HSPA12A: variants seen among roughly 807,000 people sequenced by gnomAD.
HSPA12A encodes the protein heat shock 70 kDa protein 12A.
Under a neutral mutation model 69.2 loss-of-function variants are expected in HSPA12A, and 28 were observed. The observed-to-expected ratio is 0.40, with a 90% CI of 0.30 to 0.55. HSPA12A has a LOEUF of 0.55. HSPA12A is among the 20% of genes least tolerant of loss of function. The pLI is 0.38. For synonymous variants in HSPA12A, 345 were observed against 370.5 expected (o/e 0.93, Z 0.79); for missense variants, 686 against 900.7 (o/e 0.76, Z 3.05).
intron 1 of HSPA12A, among the ~76,000 whole-genome samples, chr10:116,741,196 GGCACCTCCCTGATCC>G (rs1207152665): frequency 1.3e-5 from 2 of 152,196 alleles, no homozygotes; most frequent in East Asian, 3.9e-4. Flanking sequence ...CGCGTGGGGA[GGCACCTCCCTGATCC>G]GCAGGAACAA....
rs545007632 is a variant in HSPA12A at position 116,688,197 on chromosome 10, C to T, written c.663+4154G>A. Among the ~76,000 whole-genome samples, 4 of 152,308 alleles carry T rather than the reference C, an allele frequency of 2.6e-5. No individual in the cohort carries two copies. In the South Asian group the frequency reaches 8.3e-4, roughly 32 times the overall value. On this transcript the variant is annotated intron_variant, in intron 6 of 11. Coordinates refer to ENST00000369209, the MANE Select transcript of HSPA12A (RefSeq NM_025015.3). Reference sequence around the variant, plus strand: ...TCAGTTCTTCTTGCCCCAAAGCACACAGTAGGTGTTCAGGAGGTAGCTGCT... The same window carrying T: ...TCAGTTCTTCTTGCCCCAAAGCACATAGTAGGTGTTCAGGAGGTAGCTGCT...
At chr10:116,745,220 A>G (rs1554887724), upstream of HSPA12A, among the ~76,000 whole-genome samples, 1 of 152,240 alleles carries the variant, frequency 6.6e-6, no homozygotes, top group Non-Finnish European at 1.5e-5. Context: ...CGCCTGGTAC[A>G]TGGCAGGCAC....
At chr10:116,834,905 GA>G in intron 2 of HSPA12A, 1 of 1,167,206 alleles carries the variant, frequency 8.6e-7, no homozygotes, top group Non-Finnish European at 1.1e-6. Context: ...ATGCCAGTTT[GA>G]TACTTACACA....
intron 1 of HSPA12A, among the ~76,000 whole-genome samples, chr10:116,725,081 G>A (rs1227962401): frequency 2.0e-5 from 3 of 152,216 alleles, no homozygotes; most frequent in Non-Finnish European, 4.4e-5. Flanking sequence ...CCCAGGACTT[G>A]AGCTGTTCCC....
chr10:116,772,572 C>T lies in HSPA12A; in HGVS notation c.91+62363G>A, dbSNP rs189966490. Among the ~76,000 whole-genome samples the T allele has an allele frequency of 4.6e-3, 705 of 152,322 alleles. 4 individuals are homozygous for T. The highest frequency in any genetic ancestry group is 0.016 in the African/African-American group (672 of 41,564). ...CTTGAAGGCACGAGAGCAAATGAGG[C>T]CCGAAGCTGTCTGGCTCCAAAGTTC... On this transcript the variant is annotated intron_variant, in intron 2 of 12. Transcript: ENST00000635765.
chr10:116,696,022 A>AAAAAAAAAAAAAAAAAAAAAC (rs1554880844), intron 5 of HSPA12A, among the ~76,000 whole-genome samples: 2 of 148,468 alleles, frequency 1.3e-5, no homozygotes, highest in Non-Finnish European at 3.0e-5. Context: ...AAAAAAAAAA[A>AAAAAAAAAAAAAAAAAAAAAC]AGGCTTGCAG....
intron 1 of HSPA12A, among the ~76,000 whole-genome samples, chr10:116,735,126 T>C (rs1261186951): frequency 1.3e-5 from 2 of 152,268 alleles, no homozygotes; most frequent in Non-Finnish European, 2.9e-5. Flanking sequence ...AAACACATGT[T>C]CTAGCACAAC....
Position 116,776,248 on chromosome 10 carries a change from G to A in HSPA12A, c.91+58687C>T, listed in dbSNP as rs560460214. Among the ~76,000 whole-genome samples, 8 of 152,328 alleles carry A rather than the reference G, an allele frequency of 5.3e-5. No homozygotes were observed. In the East Asian group the frequency reaches 5.8e-4, roughly 11 times the overall value. On this transcript the variant is annotated intron_variant, in intron 2 of 12. Transcript: ENST00000635765. Reference sequence around the variant, plus strand: ...GGACAACAAGGAGCATCTCAGGTCCGTCCGCCTGGACGCCCCCCTCTGCCT... The same window carrying A: ...GGACAACAAGGAGCATCTCAGGTCCATCCGCCTGGACGCCCCCCTCTGCCT...
chr10:116,782,113 A>G (rs1308212183), intron 2 of HSPA12A, among the ~76,000 whole-genome samples: 6 of 152,238 alleles, frequency 3.9e-5, no homozygotes, highest in Non-Finnish European at 7.3e-5. Flanking sequence ...AGAAGGGCAA[A>G]GAGACGTTCG....
intron 2 of HSPA12A, among the ~76,000 whole-genome samples, chr10:116,809,755 G>A (rs1208348105): frequency 6.6e-6 from 1 of 152,220 alleles, no homozygotes; most frequent in Non-Finnish European, 1.5e-5. Context: ...CCCCACTACT[G>A]CATCTGCTCC....
chr10:116,699,157 C>A (rs1199176585), intron 4 of HSPA12A, among the ~76,000 whole-genome samples: 1 of 152,198 alleles, frequency 6.6e-6, no homozygotes, highest in Non-Finnish European at 1.5e-5. Flanking sequence ...ATCGTACCAA[C>A]CCACTGCCAT....
At chr10:116,741,918 G>A (rs1228973542) in intron 1 of HSPA12A, among the ~76,000 whole-genome samples, 1 of 152,174 alleles carries the variant, frequency 6.6e-6, no homozygotes, top group African/African-American at 2.4e-5. Context: ...CGAGCGTCCG[G>A]CCGGGGTGGG....
chr10:116,740,637 CGTGTGTGTGT>C (rs60427815), intron 1 of HSPA12A, among the ~76,000 whole-genome samples: 86 of 137,678 alleles, frequency 6.2e-4, no homozygotes, highest in African/African-American at 1.8e-3. Flanking sequence ...CTCCCAGCAC[CGTGTGTGTGT>C]GTGTGTGTGT....
At chr10:116,847,765 G>A (rs549138480) in intron 1 of HSPA12A, among the ~76,000 whole-genome samples, 6 of 152,212 alleles carry the variant, frequency 3.9e-5, no homozygotes, top group Admixed American at 6.5e-5. Context: ...CTGTCCTCCT[G>A]GAACTGAGGC....
Position 116,691,592 on chromosome 10 carries a change from C to T in HSPA12A, c.663+759G>A, listed in dbSNP as rs137865500. ...GGCCCCAGGCGTGGGTGTTCATACG[C>T]CCAGGGGCTTAAGTGCAACAGGAGC... On this transcript the variant is annotated intron_variant, in intron 6 of 11. Transcript: ENST00000369209. 2.6e-5 allele frequency among the ~76,000 whole-genome samples: 4 copies of T among 152,318 alleles called. No individual in the cohort carries two copies. The East Asian group carries it at 7.7e-4, about 29-fold the overall frequency.
rs188746444 is a variant in HSPA12A at position 116,672,292 on chromosome 10, G to C, written c.*2489C>G. 3.9e-5 allele frequency: 6 copies of C among 152,302 alleles called. No individual in the cohort carries two copies. Among genetic ancestry groups the C allele is most frequent in the Admixed American group, 2.6e-4 (4 of 15,304 alleles). The allele number at this position is 152,302 out of a possible 1,614,324, so 9.4% of individuals were successfully genotyped here. On this transcript the variant is annotated 3_prime_UTR_variant, in exon 12 of 12. Coordinates refer to ENST00000369209, the MANE Select transcript of HSPA12A (RefSeq NM_025015.3). The stretch of plus-strand genomic sequence containing the variant: ...GAAGGAGAGGTCAACGACCCCTCAG[G>C]ACACAAAGGGTTTCTTAGGTTGTTC...
At chr10:116,778,188 G>T (rs1293297207) in intron 2 of HSPA12A, among the ~76,000 whole-genome samples, 1 of 152,192 alleles carries the variant, frequency 6.6e-6, no homozygotes, top group East Asian at 1.9e-4. Context: ...CTAGTCCCAA[G>T]ATGGTTACTT....
intron 2 of HSPA12A, among the ~76,000 whole-genome samples, chr10:116,788,278 A>G (rs1439484264): frequency 6.6e-6 from 1 of 152,192 alleles, no homozygotes; most frequent in Non-Finnish European, 1.5e-5. Context: ...GCCCAGGTCC[A>G]TAGGCGGGCC....
chr10:116,831,103 G>T (rs1845605574), intron 2 of HSPA12A: 1 of 152,080 alleles, frequency 6.6e-6, no homozygotes, highest in Non-Finnish European at 1.5e-5. Flanking sequence ...GTATAATAGT[G>T]GCCTCTTCAT....
Sources: allele counts gnomAD v4.1 joint callset (sites outside exome capture counted in the v4.1 genomes callset), GRCh38; gene constraint gnomAD v4.1.1; transcripts MANE v1.5; gene names NCBI Gene and HGNC (gene_info 2026-07-23, HGNC 2026-07-21).